FGF13: variants seen among roughly 807,000 people sequenced by gnomAD.
The protein encoded by FGF13 is fibroblast growth factor homologous factor 2.
Under a neutral mutation model 19.5 loss-of-function variants are expected in FGF13, and 2 were observed. The observed-to-expected ratio is 0.10, with a 90% CI of 0.04 to 0.32. The LOEUF (loss-of-function observed/expected upper bound fraction) is 0.32. FGF13 is among the 10% of genes least tolerant of loss of function. The pLI, the probability that FGF13 is intolerant of heterozygous loss-of-function variation, is 1.00. For missense variants in FGF13, 113 were observed against 192.7 expected (o/e 0.59, Z 2.45); for synonymous variants, 72 against 76.9 (o/e 0.94, Z 0.33).
chrX:139,181,300 A>G (rs887466525), intron 1 of FGF13, among the ~76,000 whole-genome samples: 3 of 112,517 alleles, frequency 2.7e-5, no homozygotes, highest in African/African-American at 9.7e-5. Flanking sequence ...CATGCTCTTG[A>G]TCTCAGTCTA....
intron 1 of FGF13, among the ~76,000 whole-genome samples, chrX:138,974,712 C>G: frequency 8.9e-6 from 1 of 112,591 alleles, no homozygotes; most frequent in Admixed American, 9.4e-5. Context: ...AATCTAACAA[C>G]TAGGATTTCA....
chrX:138,976,904 C>G (rs2091942108), intron 1 of FGF13, among the ~76,000 whole-genome samples: 1 of 110,976 alleles, frequency 9.0e-6, no homozygotes, highest in Admixed American at 9.5e-5. Context: ...CCATTTTCTC[C>G]ACAGAAAGCT....
intron 3 of FGF13, among the ~76,000 whole-genome samples, chrX:138,773,652 C>T (rs1602824716): frequency 1.8e-5 from 2 of 112,147 alleles, no homozygotes; most frequent in African/African-American, 6.5e-5. Flanking sequence ...GTTAATTTTA[C>T]AGTTTTACTT....
rs149404757 is a variant in FGF13 at position 139,078,388 on chromosome X, C to A, written c.-113+125028G>T. Reference sequence around the variant, plus strand: ...GTACCATTGCACAGTGCTCACTAAGCCTGATAGATGGGAGTACAAGGACAA... The same window carrying A: ...GTACCATTGCACAGTGCTCACTAAGACTGATAGATGGGAGTACAAGGACAA... On this transcript the variant is annotated intron_variant, in intron 1 of 2. Coordinates refer to the FGF13 transcript ENST00000421460. Among the ~76,000 whole-genome samples, 43 of 111,184 alleles carry A rather than the reference C, an allele frequency of 3.9e-4. No individual in the cohort carries two copies. The East Asian group carries it at 0.011, about 29-fold the overall frequency.
intron 1 of FGF13, among the ~76,000 whole-genome samples, chrX:139,066,321 T>C (rs759187160): frequency 9.1e-6 from 1 of 110,459 alleles, no homozygotes; most frequent in Non-Finnish European, 1.9e-5. Context: ...ATAACTAAGA[T>C]CAGAGCAGAA....
At chrX:139,134,338 A>G (rs934098376) in intron 1 of FGF13, among the ~76,000 whole-genome samples, 3 of 111,985 alleles carry the variant, frequency 2.7e-5, no homozygotes, top group African/African-American at 9.7e-5. Context: ...TTCATCTGCC[A>G]TTCTGCAGAT....
At chrX:139,050,339 T>G (rs1029007205) in intron 1 of FGF13, among the ~76,000 whole-genome samples, 4 of 111,868 alleles carry the variant, frequency 3.6e-5, no homozygotes, top group African/African-American at 1.3e-4. Flanking sequence ...TAAAATGCAA[T>G]AACATACTAA....
intron 1 of FGF13, among the ~76,000 whole-genome samples, chrX:138,872,912 G>T (rs755538542): frequency 7.2e-5 from 8 of 111,567 alleles, no homozygotes; most frequent in Non-Finnish European, 1.5e-4. Context: ...GGTGGAAGAG[G>T]GGGACAAGGG....
chrX:138,843,754 A>G (rs1238524687), intron 3 of FGF13, among the ~76,000 whole-genome samples: 5 of 111,857 alleles, frequency 4.5e-5, no homozygotes, highest in African/African-American at 1.6e-4. Context: ...CAAACACTCT[A>G]CCTTACACTA....
chrX:139,178,101 C>T (rs1365158714), intron 1 of FGF13, among the ~76,000 whole-genome samples: 3 of 112,118 alleles, frequency 2.7e-5, no homozygotes, highest in Non-Finnish European at 5.6e-5. Context: ...ATGCAGAAAT[C>T]ACCTGCCTTC....
At chrX:139,134,296 C>T (rs910479245) in intron 1 of FGF13, among the ~76,000 whole-genome samples, 1 of 111,841 alleles carries the variant, frequency 8.9e-6, no homozygotes, top group Non-Finnish European at 1.9e-5. Context: ...GATTTTACTA[C>T]CTGTCAAAAT....
chrX:138,983,414 T>TATATATATATATA (rs2091972165), intron 1 of FGF13, among the ~76,000 whole-genome samples: 66 of 81,195 alleles, frequency 8.1e-4, no homozygotes, highest in Middle Eastern at 6.0e-3. Context: ...TAAGTTGATC[T>TATATATATATATA]TATATATATA....
At chrX:138,712,417 G>A (rs971976592), upstream of FGF13, among the ~76,000 whole-genome samples, 2 of 111,591 alleles carry the variant, frequency 1.8e-5, no homozygotes, top group African/African-American at 6.5e-5. Flanking sequence ...TTTGGGAAAT[G>A]CAGAGTCGAA....
At chrX:138,865,471 C>T (rs1422178885) in intron 1 of FGF13, among the ~76,000 whole-genome samples, 4 of 87,812 alleles carry the variant, frequency 4.6e-5, no homozygotes, top group Non-Finnish European at 8.5e-5. Context: ...CTCTCTCTCT[C>T]TCCTCTCTCT....
intron 1 of FGF13, among the ~76,000 whole-genome samples, chrX:139,034,785 T>C (rs1169291459): frequency 8.9e-6 from 1 of 112,156 alleles, no homozygotes; most frequent in Non-Finnish European, 1.9e-5. Context: ...TCAAAGGTTT[T>C]GTGATGTTGG....
chrX:139,187,611 T>C (rs1469962729), intron 1 of FGF13, among the ~76,000 whole-genome samples: 10 of 111,991 alleles, frequency 8.9e-5, no homozygotes, highest in Admixed American at 8.5e-4. Flanking sequence ...ATAAGTCTTC[T>C]ACTTAAAATC....
chrX:138,784,382 C>T (rs2090676690), intron 3 of FGF13, among the ~76,000 whole-genome samples: 1 of 108,453 alleles, frequency 9.2e-6, no homozygotes, highest in Non-Finnish European at 1.9e-5. Context: ...TCAGTTTCCT[C>T]ATTGCCCACT....
At chrX:139,204,148 A>T (rs1442429048), upstream of FGF13, 1 of 1,168,054 alleles carries the variant, frequency 8.6e-7, no homozygotes, top group Admixed American at 2.2e-5. Context: ...AGAAGACGGA[A>T]GTCCTCGCCG....
At chrX:139,190,841 T>C (rs901443092) in intron 1 of FGF13, among the ~76,000 whole-genome samples, 1 of 112,015 alleles carries the variant, frequency 8.9e-6, no homozygotes, top group Admixed American at 9.5e-5. Context: ...AGTTTCTAAT[T>C]AGAATAGCAG....
Sources: allele counts gnomAD v4.1 joint callset (sites outside exome capture counted in the v4.1 genomes callset), GRCh38; gene constraint gnomAD v4.1.1; transcripts MANE v1.5; gene names NCBI Gene and HGNC (gene_info 2026-07-23, HGNC 2026-07-21).